Variants in PLEKHA8 observed in about 807,000 individuals in gnomAD.
The protein encoded by PLEKHA8 is pleckstrin homology domain-containing family A member 8.
Under a neutral mutation model 68.2 loss-of-function variants are expected in PLEKHA8, and 36 were observed. The ratio of observed to expected loss-of-function variants is 0.53; its 90% CI spans 0.40 to 0.70. PLEKHA8 has a LOEUF of 0.70. Ranked by LOEUF, PLEKHA8 falls within the 30% of genes least tolerant of loss-of-function variation. The probability of loss-of-function intolerance (pLI) is 0.00; values close to 1 mark genes in which losing one functional copy is unlikely to be tolerated. For missense variants in PLEKHA8, 505 were observed against 615.4 expected (o/e 0.82, Z 1.90); for synonymous variants, 211 against 216.1 (o/e 0.98, Z 0.20).
rs1242581317 is a variant in PLEKHA8, at chr7:30,083,044, A to C, written c.*4257A>C. ...TTCATTTCTTTTTTTAAGATAATCT[A>C]TCAACCTTTTTTAAATTTTAAAATT... On this transcript the variant is annotated 3_prime_UTR_variant, in exon 14 of 14. Transcript: ENST00000449726. 1 of 982,184 alleles carries C rather than the reference A, an allele frequency of 1.0e-6. No individual in the cohort carries two copies. The highest frequency in any genetic ancestry group is 4.7e-5 in the South Asian group (1 of 21,230). The allele number at this position is 982,184 out of a possible 1,614,324, so 60.8% of individuals were successfully genotyped here.
chr7:30,062,701 C>T lies in PLEKHA8; in HGVS notation c.1259C>T (p.Thr420Ile), dbSNP rs775832208. The T allele has an allele frequency of 1.6e-5, 26 of 1,612,536 alleles. No individual in the cohort carries two copies. The highest frequency in any genetic ancestry group is 2.7e-5 in the African/African-American group (2 of 74,788). ...RGLKFLKGFL[T>I]EVKNGEKDIQ... ...CTCAAATTTTTGAAGGGATTTTTGA[C>T]AGAAGTGAAAAATGGGGAGAAGGAT... Residue 420 changes from threonine (T) to isoleucine (I), a missense_variant, in exon 12 of 14, where the codon ACA (threonine) becomes ATA (isoleucine). By Grantham distance (89) the Thr-to-Ile change is moderately conservative (BLOSUM62 -1). Transcript: ENST00000449726.
chr7:30,126,721 G>A (rs778992485), intron 13 of PLEKHA8, among the ~76,000 whole-genome samples: 3 of 152,196 alleles, frequency 2.0e-5, no homozygotes, highest in Non-Finnish European at 4.4e-5. Flanking sequence ...CATGGTGGAA[G>A]GTGAAAGGCA....
downstream of PLEKHA8, among the ~76,000 whole-genome samples, chr7:30,091,640 C>G (rs150271212): frequency 2.3e-3 from 351 of 152,206 alleles, 1 homozygote; most frequent in South Asian, 8.9e-3. Flanking sequence ...TAGGGACTTG[C>G]CCAGTACATC....
At chr7:30,044,013 G>A (rs764778705) in intron 1 of PLEKHA8, among the ~76,000 whole-genome samples, 4 of 151,642 alleles carry the variant, frequency 2.6e-5, no homozygotes, top group Non-Finnish European at 5.9e-5. Context: ...CAAGGTTTAC[G>A]CAGAGATAGT....
intron 9 of PLEKHA8, among the ~76,000 whole-genome samples, chr7:30,056,691 T>G (rs572707459): frequency 6.7e-4 from 86 of 128,796 alleles, no homozygotes; most frequent in African/African-American, 2.4e-3. Context: ...ATTGCACCAC[T>G]GCACTCCAGC....
chr7:30,094,499 C>T (rs1258866441), downstream of PLEKHA8, among the ~76,000 whole-genome samples: 4 of 151,588 alleles, frequency 2.6e-5, no homozygotes, highest in African/African-American at 7.3e-5. Flanking sequence ...TGGTCTCGAA[C>T]TCCTTTTTTT....
chr7:30,127,869 C>A (rs751554510), intron 13 of PLEKHA8, among the ~76,000 whole-genome samples: 6 of 152,184 alleles, frequency 3.9e-5, no homozygotes, highest in Non-Finnish European at 5.9e-5. Flanking sequence ...ACATTGAATT[C>A]TCCTATATAG....
chr7:30,118,740 G>C (rs886092547), intron 13 of PLEKHA8, among the ~76,000 whole-genome samples: 1 of 152,236 alleles, frequency 6.6e-6, no homozygotes, highest in Admixed American at 6.5e-5. Context: ...GCCACGCCTG[G>C]CTAATTTTTT....
intron 7 of PLEKHA8, among the ~76,000 whole-genome samples, chr7:30,054,110 A>G (rs1012430273): frequency 1.3e-5 from 2 of 152,198 alleles, no homozygotes; most frequent in Admixed American, 1.3e-4. Context: ...AGCAAAAACA[A>G]TAAAATGCAC....
chr7:30,090,287 A>G (rs1795362973), exon 13 of PLEKHA8: 6 of 1,320,296 alleles, frequency 4.5e-6, no homozygotes, highest in East Asian at 2.5e-5. Flanking sequence ...CCTTTCCACA[A>G]GATTCTGTGA....
chr7:30,060,900 A>G lies in PLEKHA8; in HGVS notation c.1056A>G (p.Thr352=). The change falls in exon 10 of 14, where the codon ACA becomes ACG. Residue 352 remains threonine, a synonymous_variant. Coordinates refer to ENST00000449726, the MANE Select transcript of PLEKHA8 (RefSeq NM_001197026.2). The stretch of plus-strand genomic sequence containing the variant: ...TTCTTCTAGACAAACTTGGCCCTAC[A>G]GTGTTTGCTCCTGTTAAGATGGATC... ...VVPVLDKLGP[T]VFAPVKMDLV... 1 of 1,613,352 alleles carries G rather than the reference A, an allele frequency of 6.2e-7. No individual in the cohort carries two copies. Among genetic ancestry groups the G allele is most frequent in the Non-Finnish European group, 8.5e-7 (1 of 1,179,690 alleles).
Position 30,079,910 on chromosome 7 carries a change from T to C in PLEKHA8, c.*1123T>C. On this transcript the variant is annotated 3_prime_UTR_variant, in exon 14 of 14. Coordinates refer to ENST00000449726, the MANE Select transcript of PLEKHA8 (RefSeq NM_001197026.2). ...TAAATGATATGTCCTTTTTTTTTTT[T>C]TCAAAGAGGATAAGGCTGCTATTTA... The C allele has an allele frequency of 1.0e-6, 1 of 983,744 alleles. No homozygotes were observed. Among genetic ancestry groups the C allele is most frequent in the Non-Finnish European group, 1.2e-6 (1 of 828,438 alleles). The allele number at this position is 983,744 out of a possible 1,614,324, so 60.9% of individuals were successfully genotyped here.
intron 8 of PLEKHA8, among the ~76,000 whole-genome samples, 183 bp downstream of exon 8, chr7:30,055,048 T>C (rs999120150): frequency 6.6e-6 from 1 of 152,236 alleles, no homozygotes; most frequent in Non-Finnish European, 1.5e-5. Context: ...TTGTGAAGTG[T>C]GCTCTGTGAA....
intron 12 of PLEKHA8, among the ~76,000 whole-genome samples, chr7:30,067,807 A>T (rs1583423012): frequency 6.6e-6 from 1 of 152,212 alleles, no homozygotes; most frequent in Admixed American, 6.5e-5. Context: ...GTCCTGGCTC[A>T]TTAATTTTCC....
Position 30,040,004 on chromosome 7 carries a change from A to G in PLEKHA8, c.41-5081A>G, listed in dbSNP as rs545183102. ...GTTTTTCACCTTATACACATTAACTATGGGTTCTTTGTAGATGCCTTTATC... is the reference window on the plus strand; with the variant it reads ...GTTTTTCACCTTATACACATTAACTGTGGGTTCTTTGTAGATGCCTTTATC... On this transcript the variant is annotated intron_variant, in intron 1 of 13. Transcript: ENST00000449726. Among the ~76,000 whole-genome samples the G allele has an allele frequency of 1.4e-4, 21 of 152,258 alleles. No homozygotes were observed. The East Asian group carries it at 4.1e-3, about 29-fold the overall frequency.
chr7:30,071,035 C>T (rs903379944), intron 12 of PLEKHA8, among the ~76,000 whole-genome samples: 11 of 152,168 alleles, frequency 7.2e-5, no homozygotes, highest in Admixed American at 6.5e-4. Context: ...GTTCTCTGTA[C>T]AGGGGGAAAA....
intron 9 of PLEKHA8, among the ~76,000 whole-genome samples, chr7:30,057,378 A>G (rs1793078036): frequency 6.6e-6 from 1 of 151,900 alleles, no homozygotes; most frequent in African/African-American, 2.4e-5. Context: ...ATTGCTAAGT[A>G]GTATTCCATT....
Position 30,074,150 on chromosome 7 carries a change from T to G in PLEKHA8, c.1362+18T>G. On this transcript the variant is annotated intron_variant, in intron 13 of 13. Transcript: ENST00000449726. ...TTTTTGCGGTAAGTGATCCTTCTTG[T>G]CTCCTATTATTAACTGTATTGGGTA... The G allele has an allele frequency of 6.2e-7, 1 of 1,606,222 alleles. No individual in the cohort carries two copies. The highest frequency in any genetic ancestry group is 1.7e-4 in the Middle Eastern group (1 of 6,046).
At position 30,052,838 on chromosome 7, in the gene PLEKHA8, T is replaced by A. The variant is rs541255021; in HGVS notation, c.768T>A (p.Ser256Arg). 1 of 1,578,028 alleles carries A rather than the reference T, an allele frequency of 6.3e-7. No homozygotes were observed. The highest frequency in any genetic ancestry group is 1.4e-5 in the African/African-American group (1 of 72,222). Residue 256 changes from serine to arginine, a missense_variant, in exon 7 of 14, where the codon AGT becomes AGA. By Grantham distance (110) the Ser-to-Arg change is moderately radical. Transcript: ENST00000449726. ...CAGAGATAGACTGCAGCATATCAAG[T>A]GAGGAAAATACAGATGATAATATAA... is the stretch of plus-strand genomic sequence containing the variant. Reference protein sequence around the residue: ...KSAEIDCSISSEENTDDNITV... With the variant: ...KSAEIDCSISREENTDDNITV...
Sources: allele counts gnomAD v4.1 joint callset (sites outside exome capture counted in the v4.1 genomes callset), GRCh38; gene constraint gnomAD v4.1.1; transcripts MANE v1.5; gene names NCBI Gene and HGNC (gene_info 2026-07-23, HGNC 2026-07-21).